HOMER2: variants seen among roughly 807,000 people sequenced by gnomAD.
HOMER2 encodes the protein homer protein homolog 2.
In HOMER2, 27 loss-of-function variants were observed where a neutral mutation model predicts 47.0. That is an observed-to-expected ratio of 0.57 (90% CI 0.42 to 0.79). HOMER2 has a LOEUF of 0.79. Among genes scored for constraint, HOMER2 ranks in the 30% least tolerant of loss-of-function variants. The pLI, the probability that HOMER2 is intolerant of heterozygous loss-of-function variation, is 0.00. For missense variants in HOMER2, 443 were observed against 435.0 expected (o/e 1.02, Z -0.16); for synonymous variants, 161 against 163.8 (o/e 0.98, Z 0.13).
At chr15:82,859,304 G>GTTTT in intron 4 of HOMER2, 169 bp from the exon 5 acceptor site, 9 of 627,824 alleles carry the variant, frequency 1.4e-5, no homozygotes, top group Non-Finnish European at 2.3e-5. Context: ...ACAAGTTTTT[G>GTTTT]TTTTTTTTTT....
Position 82,970,263 on chromosome 15 carries a change from T to C in HOMER2, n.83-10955A>G, listed in dbSNP as rs555221525. On this transcript the variant is annotated intron_variant and non_coding_transcript_variant, in intron 1 of 1. Coordinates refer to the HOMER2 transcript ENST00000500334. Reference sequence around the variant, plus strand: ...CAGGGCTTGGGGACTATTAGGAGTATCTAGATCAGCAGATAATTTGAGAGG... The same window carrying C: ...CAGGGCTTGGGGACTATTAGGAGTACCTAGATCAGCAGATAATTTGAGAGG... Among the ~76,000 whole-genome samples, 3 of 152,254 alleles carry C rather than the reference T, an allele frequency of 2.0e-5. No individual in the cohort carries two copies. In the East Asian group the frequency reaches 5.8e-4, roughly 29 times the overall value.
At chr15:82,845,870 T>C (rs1041573123), downstream of HOMER2, 18 of 152,358 alleles carry the variant, frequency 1.2e-4, no homozygotes, top group Middle Eastern at 6.8e-3. Context: ...CCTGTTAAAA[T>C]AGGCAGAGCA....
chr15:82,914,618 T>A (rs2053535814), intron 1 of HOMER2, among the ~76,000 whole-genome samples: 1 of 151,956 alleles, frequency 6.6e-6, no homozygotes, highest in Admixed American at 6.6e-5. Flanking sequence ...TGATGAAAAG[T>A]TCTGGAAATG....
chr15:82,880,715 C>T (rs928395117), intron 2 of HOMER2, among the ~76,000 whole-genome samples: 3 of 151,936 alleles, frequency 2.0e-5, no homozygotes, highest in Non-Finnish European at 4.4e-5. Flanking sequence ...TGGGTTCTGG[C>T]GTCAGAGGAG....
At chr15:82,894,553 C>A (rs1216562245) in intron 1 of HOMER2, among the ~76,000 whole-genome samples, 1 of 151,738 alleles carries the variant, frequency 6.6e-6, no homozygotes, top group African/African-American at 2.4e-5. Context: ...TGCCTGTAGT[C>A]CCAGCTACTC....
intron 3 of HOMER2, among the ~76,000 whole-genome samples, chr15:82,871,276 G>C (rs368640015): frequency 3.9e-5 from 6 of 152,298 alleles, no homozygotes; most frequent in African/African-American, 7.2e-5. Context: ...TTTCTTTCTG[G>C]GGGGTAGAGA....
rs1308445013 is a variant in HOMER2 at position 82,892,717 on chromosome 15, T to C, written c.130A>G (p.Ser44Gly). 1.9e-6 allele frequency: 3 copies of C among 1,601,156 alleles called. No individual in the cohort carries two copies. Among genetic ancestry groups the C allele is most frequent in the Admixed American group, 3.3e-5 (2 of 59,796 alleles). ...CCGTCCACACTGATGATCCGATAGC[T>C]GTTCCTTGTGACATCATAGAAGTAG... ...VSYFYDVTRN[S>G]YRIISVDGAK... Residue 44 changes from serine to glycine, a missense_variant, in exon 2 of 9, where the codon AGC becomes GGC. Ser to Gly is a moderately conservative substitution (Grantham distance 56). Transcript: ENST00000450735.
chr15:82,856,152 C>G (rs2051578252), intron 5 of HOMER2, among the ~76,000 whole-genome samples: 1 of 152,178 alleles, frequency 6.6e-6, no homozygotes, highest in Non-Finnish European at 1.5e-5. Flanking sequence ...ATGTTATTAT[C>G]TGGTGAATTC....
chr15:82,967,419 AC>A (rs2054684549), intron 1 of HOMER2, among the ~76,000 whole-genome samples: 1 of 152,204 alleles, frequency 6.6e-6, no homozygotes, highest in Admixed American at 6.5e-5. Context: ...TGAAATACAT[AC>A]AGTTTGCTAC....
chr15:82,954,923 C>T (rs533076810), upstream of HOMER2, among the ~76,000 whole-genome samples: 5 of 151,878 alleles, frequency 3.3e-5, no homozygotes, highest in South Asian at 2.1e-4. Flanking sequence ...GGACTACAGG[C>T]GCGCACCACC....
upstream of HOMER2, among the ~76,000 whole-genome samples, chr15:82,956,312 C>A (rs2054587079): frequency 3.3e-5 from 5 of 150,882 alleles, no homozygotes; most frequent in Admixed American, 3.3e-4. Context: ...GGGGAGGGTT[C>A]CAAGCAGAGG....
chr15:82,952,127 T>G, intron 1 of HOMER2: 3 of 812,392 alleles, frequency 3.7e-6, no homozygotes, highest in Non-Finnish European at 3.0e-6. Context: ...TCGATTTCCA[T>G]TTTGCTTGTA....
rs185301568 is a variant in HOMER2 at position 82,915,990 on chromosome 15, G to A, written c.6-23149C>T. On this transcript the variant is annotated intron_variant, in intron 1 of 8. Transcript: ENST00000450735. Reference sequence around the variant, plus strand: ...CTTCTTTTCTTTATGTATTCTGATTGATTCTATACTTCACTGTTACAAAAT... The same window carrying A: ...CTTCTTTTCTTTATGTATTCTGATTAATTCTATACTTCACTGTTACAAAAT... 8.5e-5 allele frequency among the ~76,000 whole-genome samples: 13 copies of A among 152,272 alleles called. No individual in the cohort carries two copies. The East Asian group carries it at 2.3e-3, about 27-fold the overall frequency.
At chr15:82,871,366 T>C (rs1017632203) in intron 3 of HOMER2, among the ~76,000 whole-genome samples, 1 of 152,184 alleles carries the variant, frequency 6.6e-6, no homozygotes, top group Non-Finnish European at 1.5e-5. Context: ...AGTGCTTGAT[T>C]ACCATTTCCC....
intron 1 of HOMER2, among the ~76,000 whole-genome samples, chr15:82,982,733 C>T (rs916191769): frequency 6.6e-6 from 1 of 152,170 alleles, no homozygotes; most frequent in African/African-American, 2.4e-5. Flanking sequence ...ATAATAGTCA[C>T]AAGGAAACAA....
At chr15:82,868,541 A>ATATATATATATATATATATATATATTT in intron 3 of HOMER2, among the ~76,000 whole-genome samples, 7 of 71,260 alleles carry the variant, frequency 9.8e-5, no homozygotes, top group South Asian at 4.9e-4. Context: ...ATATATATAT[A>ATATATATATATATATATATATATATTT]TTTTTTTTTT....
intron 2 of HOMER2, among the ~76,000 whole-genome samples, chr15:82,877,195 A>G (rs960643620): frequency 6.6e-6 from 1 of 151,988 alleles, no homozygotes; most frequent in Non-Finnish European, 1.5e-5. Context: ...TTTGAGACAG[A>G]GTCTTGCTCT....
At chr15:82,852,280 G>C in intron 6 of HOMER2, 28 bp from the exon 7 acceptor site, 1 of 1,537,450 alleles carries the variant, frequency 6.5e-7, no homozygotes, top group East Asian at 2.2e-5. Flanking sequence ...CAGGAAAGCA[G>C]GGACGCCAGC....
intron 1 of HOMER2, among the ~76,000 whole-genome samples, chr15:82,918,565 C>T (rs920276048): frequency 2.6e-5 from 4 of 152,114 alleles, no homozygotes; most frequent in Non-Finnish European, 5.9e-5. Context: ...CCACACTCAC[C>T]TCCACAGCTT....
Sources: allele counts gnomAD v4.1 joint callset (sites outside exome capture counted in the v4.1 genomes callset), GRCh38; gene constraint gnomAD v4.1.1; transcripts MANE v1.5; gene names NCBI Gene and HGNC (gene_info 2026-07-23, HGNC 2026-07-21).